Variants in RAB38 observed in about 807,000 individuals in gnomAD.
RAB38 encodes the protein ras-related protein Rab-38.
Under a neutral mutation model 18.4 loss-of-function variants are expected in RAB38, and 15 were observed. The ratio of observed to expected loss-of-function variants is 0.82; its 90% CI spans 0.55 to 1.26. RAB38 has a LOEUF of 1.26. Ranked by LOEUF, RAB38 falls within the 50% of genes most tolerant of loss-of-function variation. The pLI, the probability that RAB38 is intolerant of heterozygous loss-of-function variation, is 0.00. For missense variants in RAB38, 294 were observed against 267.4 expected (o/e 1.10, Z -0.69); for synonymous variants, 101 against 104.4 (o/e 0.97, Z 0.20).
chr11:88,164,488 G>C (rs959540863), intron 1 of RAB38, among the ~76,000 whole-genome samples: 3 of 152,050 alleles, frequency 2.0e-5, no homozygotes, highest in Non-Finnish European at 2.9e-5. Context: ...ATGTGAAACA[G>C]GAAATGACGG....
At chr11:87,937,874 T>G in the RAB38 span, among the ~76,000 whole-genome samples, 1 of 86,462 alleles carries the variant, frequency 1.2e-5, no homozygotes, top group Non-Finnish European at 2.4e-5. Flanking sequence ...TGAAGTGTTT[T>G]TTTTTTTTTT....
chr11:87,864,179 AC>A, the RAB38 span, among the ~76,000 whole-genome samples: 1 of 151,664 alleles, frequency 6.6e-6, no homozygotes, highest in East Asian at 1.9e-4. Flanking sequence ...TTTGGAAATG[AC>A]ACCCTACGAG....
rs943656003 is a variant in RAB38 at position 88,174,070 on chromosome 11, G to A, written c.202+1113C>T. 6.1e-6 allele frequency: 6 copies of A among 985,254 alleles called. No homozygotes were observed. The East Asian group carries it at 6.8e-4, about 112-fold the overall frequency. 61.0% of individuals were successfully genotyped at this position (985,254 alleles called of 1,614,324 possible). ...GTGTCACAGACCATGAAATAAGACT[G>A]TTTGAAGTTGTTCCCATGGAGAATC... On this transcript the variant is annotated intron_variant, in intron 1 of 2. Transcript: ENST00000243662.
chr11:88,137,930 G>A (rs12788303), intron 2 of RAB38, among the ~76,000 whole-genome samples: 11,734 of 152,214 alleles, frequency 0.077, 578 homozygotes, highest in Admixed American at 0.14. Context: ...ATTTTAAACC[G>A]AGGAATCTAT....
chr11:88,023,788 T>C, the RAB38 span, among the ~76,000 whole-genome samples: 3 of 151,822 alleles, frequency 2.0e-5, no homozygotes, highest in Middle Eastern at 3.2e-3. Context: ...AGAACATACA[T>C]CAGAAAAAAT....
the RAB38 span, among the ~76,000 whole-genome samples, chr11:87,917,307 G>T: frequency 6.6e-6 from 1 of 152,036 alleles, no homozygotes; most frequent in South Asian, 2.1e-4. Context: ...GGAAATGGTG[G>T]TATAAGGCAG....
At chr11:87,917,248 A>G in the RAB38 span, among the ~76,000 whole-genome samples, 1 of 152,072 alleles carries the variant, frequency 6.6e-6, no homozygotes, top group African/African-American at 2.4e-5. Context: ...GGGGGTCACC[A>G]AGGTGAGTCA....
chr11:87,808,433 T>C, the RAB38 span, among the ~76,000 whole-genome samples: 1 of 152,212 alleles, frequency 6.6e-6, no homozygotes, highest in African/African-American at 2.4e-5. Flanking sequence ...AAGGATATTA[T>C]GTTAGGCTTA....
chr11:88,153,711 C>CA (rs1943091016), intron 1 of RAB38, among the ~76,000 whole-genome samples: 1 of 152,222 alleles, frequency 6.6e-6, no homozygotes, highest in Admixed American at 6.5e-5. Flanking sequence ...TTGCACTTCT[C>CA]AGAGATTCTT....
the RAB38 span, among the ~76,000 whole-genome samples, chr11:87,856,915 C>A: frequency 6.6e-6 from 1 of 151,778 alleles, no homozygotes. Flanking sequence ...GCACAATGTG[C>A]AGGTTTGTTA....
chr11:87,852,981 A>G, the RAB38 span, among the ~76,000 whole-genome samples: 290 of 152,284 alleles, frequency 1.9e-3, no homozygotes, highest in African/African-American at 6.5e-3. Context: ...ATATTTCACT[A>G]CAAAATGGGA....
At chr11:87,862,606 C>T in the RAB38 span, among the ~76,000 whole-genome samples, 1,888 of 151,806 alleles carry the variant, frequency 0.012, 43 homozygotes, top group African/African-American at 0.044. Context: ...AACAAACCCC[C>T]ACAACACAAG....
At chr11:87,959,447 C>A in the RAB38 span, among the ~76,000 whole-genome samples, 2 of 152,194 alleles carry the variant, frequency 1.3e-5, no homozygotes, top group Admixed American at 6.5e-5. Flanking sequence ...CTATCTGACT[C>A]TTCAAGACCA....
the RAB38 span, among the ~76,000 whole-genome samples, chr11:87,950,547 T>C: frequency 2.6e-5 from 4 of 152,222 alleles, no homozygotes; most frequent in African/African-American, 4.8e-5. Context: ...CCATGTTTAG[T>C]GCTTCCTTCA....
At chr11:87,804,658 A>G in the RAB38 span, among the ~76,000 whole-genome samples, 1 of 152,114 alleles carries the variant, frequency 6.6e-6, no homozygotes, top group South Asian at 2.1e-4. Flanking sequence ...AAGGCAAGAA[A>G]TACCTTTCTT....
At chr11:88,059,291 A>C in the RAB38 span, among the ~76,000 whole-genome samples, 1 of 152,186 alleles carries the variant, frequency 6.6e-6, no homozygotes, top group African/African-American at 2.4e-5. Flanking sequence ...CTAAGTAGTG[A>C]TTTCTTTCAA....
chr11:87,916,565 A>G, the RAB38 span, among the ~76,000 whole-genome samples: 148 of 152,200 alleles, frequency 9.7e-4, no homozygotes, highest in African/African-American at 3.2e-3. Context: ...GATACCAACA[A>G]TGTGCTTCTC....
chr11:87,961,082 GAATAA>G, the RAB38 span, among the ~76,000 whole-genome samples: 1 of 151,994 alleles, frequency 6.6e-6, no homozygotes, highest in African/African-American at 2.4e-5. Context: ...GTGCCTATTA[GAATAA>G]AATAAAATTT....
the RAB38 span, among the ~76,000 whole-genome samples, chr11:87,961,209 T>C: frequency 3.1e-4 from 47 of 152,236 alleles, no homozygotes; most frequent in Admixed American, 2.9e-3. Context: ...AACACTTTGA[T>C]CCCAGCCAGA....
Sources: gnomAD v4.1 joint callset for allele counts (sites outside exome capture counted in the v4.1 genomes callset) on GRCh38, gnomAD v4.1.1 for gene constraint, MANE v1.5 for transcripts, NCBI Gene and HGNC (gene_info 2026-07-23, HGNC 2026-07-21) for gene names.